ARMH3: variants seen among roughly 807,000 people sequenced by gnomAD.
ARMH3 encodes the protein armadillo-like helical domain-containing protein 3.
A neutral mutation model predicts 99.1 loss-of-function variants in ARMH3; 60 were observed. The observed-to-expected ratio is 0.61, with a 90% CI of 0.49 to 0.75. The LOEUF is 0.75. ARMH3 is among the 30% of genes least tolerant of loss of function. The pLI is 0.00. For synonymous variants in ARMH3, 285 were observed against 292.8 expected (o/e 0.97, Z 0.27); for missense variants, 679 against 843.1 (o/e 0.81, Z 2.41).
chr10:102,009,895 AG>A, intron 12 of ARMH3, 81 bp downstream of exon 12: 3 of 1,283,450 alleles, frequency 2.3e-6, no homozygotes, highest in Non-Finnish European at 3.3e-6. Flanking sequence ...GATTAGCAAG[AG>A]GTAACACTGC....
At chr10:101,928,036 T>C (rs1843577147) in intron 23 of ARMH3, among the ~76,000 whole-genome samples, 1 of 152,142 alleles carries the variant, frequency 6.6e-6, no homozygotes, top group Admixed American at 6.5e-5. Context: ...ACTGCGTCAC[T>C]GCACTCCCGC....
intron 8 of ARMH3, among the ~76,000 whole-genome samples, chr10:102,019,662 T>A (rs769561361): frequency 1.3e-5 from 2 of 151,880 alleles, no homozygotes; most frequent in Non-Finnish European, 2.9e-5. Context: ...GCGCGGTGGC[T>A]CACGCCTGTA....
At chr10:101,880,434 A>G (rs1347423600) in intron 24 of ARMH3, among the ~76,000 whole-genome samples, 1 of 152,178 alleles carries the variant, frequency 6.6e-6, no homozygotes, top group African/African-American at 2.4e-5. Context: ...TCCTGCTCAG[A>G]AAACCCCGCC....
chr10:101,991,893 G>T (rs892642204), intron 18 of ARMH3, 76 bp downstream of exon 18: 1 of 1,312,716 alleles, frequency 7.6e-7, no homozygotes, highest in Non-Finnish European at 1.1e-6. Flanking sequence ...ACATCAAACA[G>T]GTTCTACTCT....
intron 24 of ARMH3, among the ~76,000 whole-genome samples, chr10:101,887,703 G>A (rs759015151): frequency 1.4e-4 from 21 of 150,516 alleles, no homozygotes; most frequent in Non-Finnish European, 2.8e-4. Flanking sequence ...AAAGTGCTGG[G>A]ATTACAAGTG....
chr10:101,876,628 T>C (rs2067272973), intron 24 of ARMH3, among the ~76,000 whole-genome samples: 2 of 152,208 alleles, frequency 1.3e-5, no homozygotes, highest in African/African-American at 2.4e-5. Context: ...ACACAGTTAA[T>C]AATAGAGATA....
Position 101,865,157 on chromosome 10 carries a change from A to T in ARMH3, c.1861-15265T>A, listed in dbSNP as rs1589928371. Among the ~76,000 whole-genome samples, 3 of 151,460 alleles carry T rather than the reference A, an allele frequency of 2.0e-5. No individual in the cohort carries two copies. In the South Asian group the frequency reaches 6.3e-4, roughly 32 times the overall value. On this transcript the variant is annotated intron_variant, in intron 24 of 25. Coordinates refer to ENST00000370033, the MANE Select transcript of ARMH3 (RefSeq NM_024541.3). ...CATGAACCCGGGAGGCAGAGCTTGC[A>T]GTGAGCTGAGATTGCGCCACTGCAC...
intron 24 of ARMH3, among the ~76,000 whole-genome samples, chr10:101,881,930 C>T (rs1364520820): frequency 9.2e-5 from 14 of 152,204 alleles, no homozygotes; most frequent in Non-Finnish European, 2.1e-4. Context: ...CTCCGTATGG[C>T]CTTTTCTGAC....
At chr10:101,973,994 G>A (rs1845884156) in intron 20 of ARMH3, among the ~76,000 whole-genome samples, 1 of 152,156 alleles carries the variant, frequency 6.6e-6, no homozygotes, top group South Asian at 2.1e-4. Flanking sequence ...AAAAGGAGGT[G>A]TTGCTACCTA....
intron 24 of ARMH3, among the ~76,000 whole-genome samples, chr10:101,873,188 G>C (rs1386540563): frequency 6.6e-6 from 1 of 151,338 alleles, no homozygotes; most frequent in African/African-American, 2.4e-5. Flanking sequence ...CGGATCATGA[G>C]GTAAGGAGTT....
chr10:102,033,748 C>A (rs532538920), intron 2 of ARMH3, among the ~76,000 whole-genome samples: 5 of 152,276 alleles, frequency 3.3e-5, no homozygotes, highest in African/African-American at 1.2e-4. Context: ...TTTGAAAATT[C>A]TTGGTCATTC....
At chr10:101,998,017 C>T (rs1847140596) in intron 15 of ARMH3, among the ~76,000 whole-genome samples, 1 of 152,152 alleles carries the variant, frequency 6.6e-6, no homozygotes, top group Non-Finnish European at 1.5e-5. Context: ...TCATTCCTAA[C>T]CTTGCCCTTT....
intron 6 of ARMH3, among the ~76,000 whole-genome samples, chr10:102,024,698 A>C (rs1232367187): frequency 6.6e-6 from 1 of 151,868 alleles, no homozygotes; most frequent in Non-Finnish European, 1.5e-5. Flanking sequence ...ACATGCCTGT[A>C]ATCCCAGCTA....
chr10:102,013,887 C>A, intron 9 of ARMH3, 81 bp downstream of exon 9: 1 of 1,205,670 alleles, frequency 8.3e-7, no homozygotes, highest in Non-Finnish European at 1.2e-6. Flanking sequence ...TCTCTGCTCT[C>A]TGTTCTAAAT....
intron 2 of ARMH3, 84 bp from the exon 3 acceptor site, chr10:102,033,423 T>TC: frequency 1.4e-6 from 2 of 1,415,550 alleles, no homozygotes; most frequent in East Asian, 2.3e-5. Context: ...ACCTTAGTTT[T>TC]CTTTTTTTTT....
chr10:101,960,169 C>T (rs1845221365), intron 20 of ARMH3, among the ~76,000 whole-genome samples: 1 of 151,862 alleles, frequency 6.6e-6, no homozygotes, highest in Admixed American at 6.6e-5. Context: ...CAGAGCAAGA[C>T]TCCTTCTCCA....
chr10:101,925,821 G>A (rs1461881712), intron 23 of ARMH3, among the ~76,000 whole-genome samples: 1 of 152,188 alleles, frequency 6.6e-6, no homozygotes, highest in Non-Finnish European at 1.5e-5. Flanking sequence ...TGAGGCAGGG[G>A]AATTGCCTGA....
intron 24 of ARMH3, among the ~76,000 whole-genome samples, chr10:101,858,768 G>A (rs1051415616): frequency 3.9e-5 from 6 of 152,250 alleles, no homozygotes; most frequent in Middle Eastern, 3.4e-3. Flanking sequence ...ATGCCATTAC[G>A]ACTGATTTCC....
chr10:101,853,955 A>T (rs1221150144), intron 24 of ARMH3, among the ~76,000 whole-genome samples: 1 of 152,216 alleles, frequency 6.6e-6, no homozygotes, highest in Non-Finnish European at 1.5e-5. Context: ...TCTACTAAAA[A>T]TACAAAAATT....
Sources: gnomAD v4.1 joint callset for allele counts (sites outside exome capture counted in the v4.1 genomes callset) on GRCh38, gnomAD v4.1.1 for gene constraint, MANE v1.5 for transcripts, NCBI Gene and HGNC (gene_info 2026-07-23, HGNC 2026-07-21) for gene names.